The following TMPRSS3 variants were observed in gnomAD, a reference collection of about 807,000 sequenced individuals.
TMPRSS3 encodes the protein transmembrane protease serine 3.
Under a neutral mutation model 59.6 loss-of-function variants are expected in TMPRSS3, and 55 were observed. The observed-to-expected ratio is 0.92, with a 90% CI of 0.74 to 1.16. The LOEUF (loss-of-function observed/expected upper bound fraction) is 1.16. Among genes scored for constraint, TMPRSS3 ranks in the 50% most tolerant of loss-of-function variants. The probability of loss-of-function intolerance (pLI) is 0.00; values close to 1 mark genes in which losing one functional copy is unlikely to be tolerated. For missense variants in TMPRSS3, 596 were observed against 579.4 expected, an observed-to-expected ratio of 1.03 and a Z score of -0.29; for synonymous variants, 257 against 237.7, an observed-to-expected ratio of 1.08 and a Z score of -0.75.
intron 8 of TMPRSS3, 55 bp downstream of exon 8, chr21:42,382,978 C>T: frequency 6.2e-7 from 1 of 1,610,214 alleles, no homozygotes; most frequent in East Asian, 2.2e-5. Context: ...GCAGCCCCAC[C>T]CTGACATGAC....
intron 2 of TMPRSS3, among the ~76,000 whole-genome samples, chr21:42,395,095 A>G (rs567909270): frequency 1.2e-3 from 186 of 152,268 alleles, no homozygotes; most frequent in Middle Eastern, 3.4e-3. Context: ...CTCCAACAAG[A>G]GAAGAAAACA....
At position 42,388,904 on chromosome 21, in the gene TMPRSS3, C is replaced by T. The variant is rs1342865625; in HGVS notation, c.322+25G>A. 3.1e-6 allele frequency: 5 copies of T among 1,601,006 alleles called. No individual in the cohort carries two copies. Among genetic ancestry groups the T allele is most frequent in the Non-Finnish European group, 4.3e-6 (5 of 1,168,462 alleles). On this transcript the variant is annotated intron_variant, in intron 4 of 12. Transcript: ENST00000644384. The surrounding 1 kb of genome is among the most constrained non-coding windows in gnomAD (Gnocchi z 5.1). ...GGCTTCTGCTGCTTCCTTCTGTTTC[C>T]CCAGGGGAAGAGCCATGACCTTACC... is the stretch of plus-strand genomic sequence containing the variant.
chr21:42,388,999 C>T lies in TMPRSS3; in HGVS notation c.252G>A (p.Lys84=), dbSNP rs537210157. The change falls in exon 4 of 13, where the codon AAG becomes AAA. Residue 84 remains lysine (K), a synonymous_variant. Transcript: ENST00000644384. The surrounding 1 kb of genome is among the most constrained non-coding windows in gnomAD (Gnocchi z 5.1). ...CACATCGAGCTATCAGCTCGATACA[C>T]TTAAAGGATGAGCGACATCTGTACT... ...SGKYRCRSSF[K]CIELIARCDG... 6.2e-7 allele frequency: 1 copy of T among 1,614,204 alleles called. No homozygotes were observed. The highest frequency in any genetic ancestry group is 1.3e-5 in the African/African-American group (1 of 75,062).
chr21:42,393,468 T>C (rs1457163357), intron 2 of TMPRSS3, among the ~76,000 whole-genome samples: 1 of 152,188 alleles, frequency 6.6e-6, no homozygotes, highest in Non-Finnish European at 1.5e-5. Context: ...GTTCCACTTC[T>C]AGGAATTTAT....
Position 42,380,070 on chromosome 21 carries a change from TG to T in TMPRSS3, c.1048+46del, listed in dbSNP as rs749714459. 2.0e-6 allele frequency: 3 copies of T among 1,522,562 alleles called. No homozygotes were observed. The South Asian group carries it at 3.4e-5, about 17-fold the overall frequency. 94.3% of individuals were successfully genotyped at this position (1,522,562 alleles called of 1,614,324 possible). A position where few individuals can be genotyped will look rare whatever the true frequency, so the allele number is the denominator to read the frequency against. ...TGGGGGAGCCCCCTCCGCAGCCCTC[TG>T]GGTTCTGAGCCCCTGGACTCCGAAT... On this transcript the variant is annotated intron_variant, in intron 10 of 12. Transcript: ENST00000644384.
chr21:42,386,727 G>A (rs2052639540), intron 5 of TMPRSS3, among the ~76,000 whole-genome samples: 1 of 151,406 alleles, frequency 6.6e-6, no homozygotes, highest in African/African-American at 2.4e-5. Flanking sequence ...GAACTTGCCT[G>A]AGTCTACACT....
At chr21:42,375,565 G>A (rs552628668) in intron 12 of TMPRSS3, 151 bp downstream of exon 12, 21 of 988,342 alleles carry the variant, frequency 2.1e-5, no homozygotes, top group South Asian at 5.5e-5. Flanking sequence ...CAGCACAAGC[G>A]TCTGACACCC....
At chr21:42,389,341 C>T (rs1466885998) in intron 3 of TMPRSS3, among the ~76,000 whole-genome samples, 1 of 152,182 alleles carries the variant, frequency 6.6e-6, no homozygotes, top group Non-Finnish European at 1.5e-5. Flanking sequence ...TGGCGGGGGG[C>T]CGACCTGCTG....
At chr21:42,391,878 A>C (rs770862247) in intron 2 of TMPRSS3, among the ~76,000 whole-genome samples, 1 of 152,184 alleles carries the variant, frequency 6.6e-6, no homozygotes, top group Non-Finnish European at 1.5e-5. Flanking sequence ...TGGTGGAAAC[A>C]ATATGTAAGG....
chr21:42,377,441 C>G (rs1302832900), intron 10 of TMPRSS3, among the ~76,000 whole-genome samples: 1 of 152,236 alleles, frequency 6.6e-6, no homozygotes, highest in Middle Eastern at 3.2e-3. Context: ...CCCCAAGGGC[C>G]TCCAGGAGGA....
At position 42,388,862 on chromosome 21, in the gene TMPRSS3, T is replaced by A; in HGVS notation, c.322+67A>T. ...CAATGACTTGGACCCATTTTACAGA[T>A]GGGAAGGGTCAGGGTTGGCTTCTGC... On this transcript the variant is annotated intron_variant, in intron 4 of 12. Coordinates refer to ENST00000644384, the MANE Select transcript of TMPRSS3 (RefSeq NM_001256317.3). This position sits in a 1 kb window ranked among gnomAD's most constrained non-coding sequence, Gnocchi z 5.1. 7.3e-7 allele frequency: 1 copy of A among 1,368,086 alleles called. No individual in the cohort carries two copies. Among genetic ancestry groups the A allele is most frequent in the South Asian group, 1.2e-5 (1 of 86,270 alleles). 84.7% of individuals were successfully genotyped at this position (1,368,086 alleles called of 1,614,324 possible).
At position 42,384,156 on chromosome 21, in the gene TMPRSS3, CA is replaced by C. The variant is rs10670677; in HGVS notation, c.573-144del. On this transcript the variant is annotated intron_variant, in intron 6 of 12. Transcript: ENST00000644384. ...ATAGATTACAATTTTAGTCTATGTT[CA>C]AAAAAAAAAAAAACCATGAGGATGA... 0.068 allele frequency: 37,467 copies of C among 549,836 alleles called. 271 individuals carry two copies. Among genetic ancestry groups the C allele is most frequent in the African/African-American group, 0.1 (5,139 of 49,440 alleles). 34.1% of individuals were successfully genotyped at this position (549,836 alleles called of 1,614,324 possible). A position where few individuals can be genotyped will look rare whatever the true frequency, so the allele number is the denominator to read the frequency against.
intron 2 of TMPRSS3, among the ~76,000 whole-genome samples, chr21:42,393,224 G>A (rs571943157): frequency 4.7e-5 from 7 of 150,444 alleles, no homozygotes; most frequent in South Asian, 2.1e-4. Context: ...CAGCCTGGGC[G>A]ACAGAGCGAG....
At chr21:42,374,991 G>GTGGGGT (rs2052396542) in intron 12 of TMPRSS3, among the ~76,000 whole-genome samples, 1 of 151,488 alleles carries the variant, frequency 6.6e-6, no homozygotes, top group Admixed American at 6.6e-5. Flanking sequence ...ACCATCCCAA[G>GTGGGGT]GAGAGACTTC....
intron 10 of TMPRSS3, among the ~76,000 whole-genome samples, chr21:42,377,594 CACG>C (rs2052452404): frequency 1.3e-5 from 2 of 152,180 alleles, no homozygotes; most frequent in Non-Finnish European, 2.9e-5. Context: ...AGACTTAATC[CACG>C]TGCAGTGGGC....
At chr21:42,372,836 A>C in intron 12 of TMPRSS3, 57 bp from the exon 13 acceptor site, 7 of 1,598,904 alleles carry the variant, frequency 4.4e-6, no homozygotes, top group Non-Finnish European at 6.0e-6. Context: ...TCCGTCCAAC[A>C]TGATGACGGA....
rs55954914 is a variant in TMPRSS3 at position 42,372,353 on chromosome 21, G to A, written c.*409C>T. 13,424 of 457,720 alleles carry A rather than the reference G, an allele frequency of 0.029. 585 individuals carry two copies. The highest frequency in any genetic ancestry group is 0.15 in the African/African-American group (7,423 of 50,212). The allele number at this position is 457,720 out of a possible 1,614,324, so 28.4% of individuals were successfully genotyped here. A position where few individuals can be genotyped will look rare whatever the true frequency, so the allele number is the denominator to read the frequency against. On this transcript the variant is annotated 3_prime_UTR_variant, in exon 13 of 13. Transcript: ENST00000644384. ...AGCAGGCACATCATTTGAGGTCAGG[G>A]GTTTGAGAGCAGCCTGGCCAACATG...
chr21:42,383,665 G>T (rs906760527), intron 7 of TMPRSS3: 3 of 613,828 alleles, frequency 4.9e-6, no homozygotes, highest in African/African-American at 1.8e-5. Context: ...CTGTGCACGT[G>T]TAAGGAGGAA....
At chr21:42,387,371 AGTGTGTGTGT>A (rs59669731) in intron 5 of TMPRSS3, among the ~76,000 whole-genome samples, 11 of 147,092 alleles carry the variant, frequency 7.5e-5, no homozygotes, top group East Asian at 2.0e-4. Context: ...AGCTGTGTGC[AGTGTGTGTGT>A]GTGTGTGTGT....
Sources: allele counts gnomAD v4.1 joint callset (sites outside exome capture counted in the v4.1 genomes callset), GRCh38; gene constraint gnomAD v4.1.1; non-coding constraint Gnocchi (gnomAD v3.1); transcripts MANE v1.5; gene names NCBI Gene and HGNC (gene_info 2026-07-23, HGNC 2026-07-21).